The following ACOT11 variants were observed in gnomAD, a reference collection of about 807,000 sequenced individuals.
The protein encoded by ACOT11 is acyl-coenzyme A thioesterase 11.
A neutral mutation model predicts 77.5 loss-of-function variants in ACOT11; 69 were observed. The observed-to-expected ratio is 0.89, with a 90% CI of 0.73 to 1.09. The LOEUF is 1.09. Ranked by LOEUF, ACOT11 falls within the 50% of genes least tolerant of loss-of-function variation. The probability of loss-of-function intolerance (pLI) is 0.00; values close to 1 mark genes in which losing one functional copy is unlikely to be tolerated. For synonymous variants in ACOT11, 279 were observed against 313.0 expected (o/e 0.89, Z 1.15); for missense variants, 766 against 813.7 (o/e 0.94, Z 0.71).
chr1:54,593,167 C>T (rs1174135463), intron 4 of ACOT11, among the ~76,000 whole-genome samples: 1 of 152,204 alleles, frequency 6.6e-6, no homozygotes, highest in Admixed American at 6.5e-5. Flanking sequence ...CCAGCTGGGC[C>T]AGTGGTTCCT....
intron 1 of ACOT11, chr1:54,572,940 G>C (rs1371337529): frequency 1.0e-6 from 1 of 985,318 alleles, no homozygotes; most frequent in Non-Finnish European, 1.2e-6. Context: ...AATTTATAAA[G>C]TACAGTTTTC....
intron 1 of ACOT11, among the ~76,000 whole-genome samples, chr1:54,566,326 G>A (rs1236193797): frequency 2.0e-5 from 3 of 151,968 alleles, no homozygotes; most frequent in Admixed American, 6.6e-5. Flanking sequence ...GCATGGTGGC[G>A]CGTTCCTGTA....
intron 3 of ACOT11, 88 bp from the exon 4 acceptor site, chr1:54,592,458 C>A: frequency 1.5e-6 from 2 of 1,305,778 alleles, no homozygotes; most frequent in South Asian, 2.8e-5. Context: ...TGCCAGCTCC[C>A]CGCAAGAGAG....
intron 15 of ACOT11, 51 bp downstream of exon 15, chr1:54,608,119 C>A (rs1253572247): frequency 1.3e-6 from 2 of 1,576,764 alleles, no homozygotes; most frequent in South Asian, 1.1e-5. Flanking sequence ...ACCCCAACAC[C>A]ACACGTGTAT....
At chr1:54,615,365 A>C (rs1020355316) in intron 15 of ACOT11, among the ~76,000 whole-genome samples, 2 of 152,164 alleles carry the variant, frequency 1.3e-5, no homozygotes, top group Non-Finnish European at 2.9e-5. Context: ...GGCCAAGATC[A>C]CACTTTTTCC....
intron 1 of ACOT11, among the ~76,000 whole-genome samples, chr1:54,580,719 G>A (rs300269): frequency 0.4 from 60,483 of 152,146 alleles, 13,744 homozygotes; most frequent in Non-Finnish European, 0.53. Context: ...GGAAGCATCT[G>A]TCTGATGGGG....
rs1644009458 is a variant in ACOT11 at position 54,605,108 on chromosome 1, C to A, written c.1269C>A (p.Phe423Leu). The A allele has an allele frequency of 6.2e-7, 1 of 1,613,958 alleles. No individual in the cohort carries two copies. Residue 423 changes from phenylalanine (F) to leucine (L), a missense_variant, in exon 13 of 16, where the codon TTC becomes TTA. By Grantham distance (22) the Phe-to-Leu change is conservative. Coordinates refer to ENST00000343744, the MANE Select transcript of ACOT11 (RefSeq NM_147161.4). ...VRLYTLEDDK[F>L]LSFHMEMVVH... The stretch of plus-strand genomic sequence containing the variant: ...TGTACACTCTGGAGGATGACAAGTT[C>A]CTCTCCTTCCACATGGAGATGGTGG...
chr1:54,612,256 T>A (rs1644126762), downstream of ACOT11, among the ~76,000 whole-genome samples: 1 of 151,596 alleles, frequency 6.6e-6, no homozygotes. Flanking sequence ...GGTATAAATA[T>A]TTTCCAGAGG....
intron 1 of ACOT11, among the ~76,000 whole-genome samples, chr1:54,574,071 CATTA>C (rs1221773757): frequency 1.3e-5 from 2 of 151,882 alleles, no homozygotes; most frequent in Non-Finnish European, 2.9e-5. Context: ...TGCTTGGCCA[CATTA>C]ATTAAATATA....
Position 54,605,056 on chromosome 1 carries a change from C to T in ACOT11, c.1237-20C>T, listed in dbSNP as rs781709588. ...CCACTCCACCACCCAGCAAATGAGG[C>T]TGCCCTCTATCCCATGCAGGTCCGC... On this transcript the variant is annotated intron_variant, in intron 12 of 15. Coordinates refer to ENST00000343744, the MANE Select transcript of ACOT11 (RefSeq NM_147161.4). 1 of 1,604,602 alleles carries T rather than the reference C, an allele frequency of 6.2e-7. No homozygotes were observed. The highest frequency in any genetic ancestry group is 1.1e-5 in the South Asian group (1 of 90,066).
rs909443197 is a variant in ACOT11, at chr1:54,602,654, C to T, written c.1030-15C>T. The T allele has an allele frequency of 1.3e-5, 20 of 1,521,754 alleles. No individual in the cohort carries two copies. Among genetic ancestry groups the T allele is most frequent in the African/African-American group, 2.8e-5 (2 of 71,352 alleles). The allele number at this position is 1,521,754 out of a possible 1,614,324, so 94.3% of individuals were successfully genotyped here. On this transcript the variant is annotated splice_polypyrimidine_tract_variant and intron_variant, in intron 9 of 15. Coordinates refer to ENST00000343744, the MANE Select transcript of ACOT11 (RefSeq NM_147161.4). ...GGTGGGGGTAGCTGGTTGCCTATCCCGACTTCCTCCCCAGGATGGTGAGCG... is the reference window on the plus strand; with the variant it reads ...GGTGGGGGTAGCTGGTTGCCTATCCTGACTTCCTCCCCAGGATGGTGAGCG...
Position 54,607,339 on chromosome 1 carries a change from G to A in ACOT11, c.1502+74G>A. On this transcript the variant is annotated intron_variant, in intron 14 of 15. Coordinates refer to ENST00000343744, the MANE Select transcript of ACOT11 (RefSeq NM_147161.4). This position sits in a 1 kb window ranked among gnomAD's most constrained non-coding sequence, Gnocchi z 4.5. ...TAGGGTGGCCGCTTCTCCCTCCCAG[G>A]GAAGGGCATCAGCCTGGAGCCAGAG... 1.3e-6 allele frequency: 2 copies of A among 1,590,404 alleles called. No individual in the cohort carries two copies. The highest frequency in any genetic ancestry group is 1.7e-6 in the Non-Finnish European group (2 of 1,163,514).
At chr1:54,592,171 A>G (rs1192776311) in intron 3 of ACOT11, among the ~76,000 whole-genome samples, 3 of 152,154 alleles carry the variant, frequency 2.0e-5, no homozygotes, top group Non-Finnish European at 2.9e-5. Context: ...CCGCAGGGTG[A>G]GCCTCTGCAG....
intron 1 of ACOT11, among the ~76,000 whole-genome samples, chr1:54,562,248 G>T (rs1280285957): frequency 1.8e-5 from 2 of 113,280 alleles, no homozygotes; most frequent in Non-Finnish European, 3.6e-5. Context: ...CCCGGACGGG[G>T]CGGCTGGCCA....
At chr1:54,604,466 C>A in intron 12 of ACOT11, 37 bp downstream of exon 12, 2 of 1,598,474 alleles carry the variant, frequency 1.3e-6, no homozygotes, top group Non-Finnish European at 8.6e-7. Flanking sequence ...CCTTTCTCAT[C>A]TGAGCCAGAG....
chr1:54,614,772 C>T (rs746030026), downstream of ACOT11: 42 of 1,614,060 alleles, frequency 2.6e-5, no homozygotes, highest in Admixed American at 2.8e-4. Context: ...CCATATGGGC[C>T]GCCGGACTTT....
At chr1:54,569,452 C>G (rs1022854696) in intron 1 of ACOT11, among the ~76,000 whole-genome samples, 1 of 152,170 alleles carries the variant, frequency 6.6e-6, no homozygotes, top group Non-Finnish European at 1.5e-5. Flanking sequence ...CCTCACTGTC[C>G]CTCCGACGGC....
rs1644045041 is a variant in ACOT11 at position 54,607,671 on chromosome 1, C to T, written c.1503-271C>T. Among the ~76,000 whole-genome samples the T allele has an allele frequency of 6.6e-6, 1 of 152,120 alleles. No homozygotes were observed. The highest frequency in any genetic ancestry group is 2.1e-4 in the South Asian group (1 of 4,822). On this transcript the variant is annotated intron_variant, in intron 14 of 15. Transcript: ENST00000343744. This position sits in a 1 kb window ranked among gnomAD's most constrained non-coding sequence, Gnocchi z 4.5. ...AAAATCCCAAAGCCCACGAGTCTTCCCCTGAGCGTTGAAGTGGAGTGGCTT... is the reference window on the plus strand; with the variant it reads ...AAAATCCCAAAGCCCACGAGTCTTCTCCTGAGCGTTGAAGTGGAGTGGCTT...
intron 1 of ACOT11, among the ~76,000 whole-genome samples, chr1:54,564,143 G>C (rs921691218): frequency 1.3e-5 from 2 of 152,132 alleles, no homozygotes; most frequent in African/African-American, 2.4e-5. Context: ...AAGGGGCTGA[G>C]GTGGGAGGAT....
Sources: gnomAD v4.1 joint callset for allele counts (sites outside exome capture counted in the v4.1 genomes callset) on GRCh38, gnomAD v4.1.1 for gene constraint, Gnocchi (gnomAD v3.1) non-coding constraint, MANE v1.5 for transcripts, NCBI Gene and HGNC (gene_info 2026-07-23, HGNC 2026-07-21) for gene names.